The following TOGARAM2 variants were observed in gnomAD, a reference collection of about 807,000 sequenced individuals.
TOGARAM2 encodes TOG array regulator of axonemal microtubules protein 2.
TOGARAM2 carries 85 observed loss-of-function variants against 93.3 expected under a neutral mutation model. That is an observed-to-expected ratio of 0.91 (90% CI 0.76 to 1.09). The LOEUF is 1.09. Ranked by LOEUF, TOGARAM2 falls within the 50% of genes least tolerant of loss-of-function variation. TOGARAM2 has a pLI of 0.00. For missense variants in TOGARAM2, 1,277 were observed against 1,334.5 expected (o/e 0.96, Z 0.67); for synonymous variants, 593 against 552.8 (o/e 1.07, Z -1.02).
In TOGARAM2 at chr2:29,051,845, A is replaced by T. The variant is rs771163856; in HGVS notation, c.2812A>T (p.Arg938Trp). The T allele has an allele frequency of 6.4e-7, 1 of 1,567,716 alleles. No homozygotes were observed. Among genetic ancestry groups the T allele is most frequent in the Admixed American group, 1.9e-5 (1 of 53,140 alleles). Residue 938 changes from arginine to tryptophan, a missense_variant, in exon 20 of 20, where the codon AGG becomes TGG. By Grantham distance (101) the Arg-to-Trp change is moderately radical. Transcript: ENST00000379558. The stretch of plus-strand genomic sequence containing the variant: ...CTGGCACTTCCTGAACACCGCCACC[A>T]GGAATGGCACCCTGCCTGGACCCAG... ...ILWHFLNTAT[R>W]NGTLPGPSGN...
At chr2:29,002,149 A>C (rs997142688) in intron 4 of TOGARAM2, among the ~76,000 whole-genome samples, 1 of 152,126 alleles carries the variant, frequency 6.6e-6, no homozygotes, top group Admixed American at 6.5e-5. Flanking sequence ...CATCTTATAT[A>C]AGTGATGTTA....
At chr2:28,976,648 G>A (rs1014800132), upstream of TOGARAM2, among the ~76,000 whole-genome samples, 12 of 152,218 alleles carry the variant, frequency 7.9e-5, no homozygotes, top group Non-Finnish European at 1.3e-4. Flanking sequence ...ATAACCAGAA[G>A]GCGTTAGTCC....
chr2:28,991,177 A>C (rs1053962699), intron 1 of TOGARAM2, among the ~76,000 whole-genome samples: 8 of 152,048 alleles, frequency 5.3e-5, no homozygotes, highest in Admixed American at 5.2e-4. Flanking sequence ...CATTTTTTTC[A>C]GATGAAGAAA....
At chr2:29,004,082 G>A (rs1235776058) in intron 6 of TOGARAM2, among the ~76,000 whole-genome samples, 1 of 152,120 alleles carries the variant, frequency 6.6e-6, no homozygotes, top group African/African-American at 2.4e-5. Flanking sequence ...TGCAACCTCC[G>A]CCTCCCGGGT....
At chr2:29,023,356 T>C (rs980626082) in intron 12 of TOGARAM2, among the ~76,000 whole-genome samples, 165 bp downstream of exon 12, 1 of 152,198 alleles carries the variant, frequency 6.6e-6, no homozygotes, top group African/African-American at 2.4e-5. Flanking sequence ...TTTCTCAGAT[T>C]GGAAAACTGA....
chr2:28,960,795 G>A (rs1357753180), intron 1 of TOGARAM2, among the ~76,000 whole-genome samples: 1 of 152,218 alleles, frequency 6.6e-6, no homozygotes, highest in South Asian at 2.1e-4. Context: ...CAGGTGGCCA[G>A]TGAGCACCTA....
At chr2:29,010,310 T>G (rs888356692) in intron 6 of TOGARAM2, among the ~76,000 whole-genome samples, 9 of 151,970 alleles carry the variant, frequency 5.9e-5, no homozygotes, top group Non-Finnish European at 1.2e-4. Context: ...GTGGGCGAGC[T>G]CCCCAGGTCA....
At chr2:29,006,126 C>T (rs929624531) in intron 6 of TOGARAM2, among the ~76,000 whole-genome samples, 2 of 39,278 alleles carry the variant, frequency 5.1e-5, no homozygotes, top group Non-Finnish European at 1.3e-4. Context: ...TATGTGTGTG[C>T]ATGTGTGTGA....
chr2:29,005,310 G>GTGT lies in TOGARAM2; in HGVS notation c.830+1628_830+1629insTGT, dbSNP rs1553338862. ...TGTGTGTGTGCATGTGTGTGTGTGGGGTATGTGTGCATGTGTGTGTGAGAC... is the reference window on the plus strand; with the variant it reads ...TGTGTGTGTGCATGTGTGTGTGTGGGTGTGTATGTGTGCATGTGTGTGTGAGAC... On this transcript the variant is annotated intron_variant, in intron 6 of 19. Coordinates refer to ENST00000379558, the MANE Select transcript of TOGARAM2 (RefSeq NM_199280.4). Among the ~76,000 whole-genome samples the GTGT allele has an allele frequency of 2.2e-3, 303 of 138,502 alleles. 1 individual carries two copies. Among genetic ancestry groups the GTGT allele is most frequent in the Admixed American group, 3.9e-3 (53 of 13,558 alleles). The allele number at this position is 138,502 out of a possible 152,430, so 90.9% of individuals were successfully genotyped here. A position where few individuals can be genotyped will look rare whatever the true frequency, so the allele number is the denominator to read the frequency against.
At chr2:29,026,134 C>T (rs988185841) in intron 13 of TOGARAM2, among the ~76,000 whole-genome samples, 2 of 152,230 alleles carry the variant, frequency 1.3e-5, no homozygotes, top group African/African-American at 2.4e-5. Flanking sequence ...GGAGTCCTTA[C>T]TCCCTGCCTC....
intron 1 of TOGARAM2, among the ~76,000 whole-genome samples, chr2:28,970,596 C>T (rs563572742): frequency 4.3e-4 from 66 of 152,250 alleles, no homozygotes; most frequent in Middle Eastern, 6.8e-3. Flanking sequence ...GTGGGGAAAT[C>T]ACTATCCACC....
At position 28,968,727 on chromosome 2, in the gene TOGARAM2, G is replaced by A. The variant is rs530868350; in HGVS notation, c.-147+12030G>A. On this transcript the variant is annotated intron_variant, in intron 1 of 6. Coordinates refer to the TOGARAM2 transcript ENST00000401723. ...CCAGCTACTTAGGAGGCTGAGGTAG[G>A]AGGATCACTGAGCCCAGCAGGTGGA... 1.3e-4 allele frequency among the ~76,000 whole-genome samples: 19 copies of A among 149,344 alleles called. No individual in the cohort carries two copies. The South Asian group carries it at 4.0e-3, about 32-fold the overall frequency.
chr2:29,027,793 C>A (rs911111874), intron 14 of TOGARAM2, among the ~76,000 whole-genome samples: 1 of 151,908 alleles, frequency 6.6e-6, no homozygotes, highest in African/African-American at 2.4e-5. Context: ...AACGGCTACA[C>A]GGAGCCAGCT....
chr2:29,032,847 A>T, intron 14 of TOGARAM2, 87 bp from the exon 15 acceptor site: 1 of 1,078,906 alleles, frequency 9.3e-7, no homozygotes, highest in Non-Finnish European at 1.3e-6. Context: ...AACTCTCTTT[A>T]ATTAGGAAGA....
At chr2:28,979,550 G>C (rs1272161986), upstream of TOGARAM2, among the ~76,000 whole-genome samples, 1 of 152,194 alleles carries the variant, frequency 6.6e-6, no homozygotes, top group Non-Finnish European at 1.5e-5. Context: ...AACAAGCAGG[G>C]GGTTACCTGC....
intron 6 of TOGARAM2, among the ~76,000 whole-genome samples, chr2:29,005,738 CAT>C (rs1491524731): frequency 3.7e-4 from 18 of 49,180 alleles, no homozygotes; most frequent in African/African-American, 8.0e-4. Context: ...TGTGTGAGCA[CAT>C]ATATGTGTGT....
At chr2:28,958,270 A>C (rs1047334382) in intron 1 of TOGARAM2, among the ~76,000 whole-genome samples, 1 of 152,000 alleles carries the variant, frequency 6.6e-6, no homozygotes, top group Non-Finnish European at 1.5e-5. Context: ...GGTGTCTCCA[A>C]ATGATCCTTT....
In TOGARAM2 at chr2:29,000,202, C is replaced by T. The variant is rs140704881; in HGVS notation, c.427+734C>T. On this transcript the variant is annotated intron_variant, in intron 4 of 19. Coordinates refer to ENST00000379558, the MANE Select transcript of TOGARAM2 (RefSeq NM_199280.4). ...TCCAAGAGGGCAGTGACTGAGATCT[C>T]GGTGTGAGGCACAGTCGCTTGGCAG... is the stretch of plus-strand genomic sequence containing the variant. Among the ~76,000 whole-genome samples the T allele has an allele frequency of 8.4e-3, 1,284 of 152,210 alleles. 9 individuals are homozygous for T. The highest frequency in any genetic ancestry group is 0.048 in the Middle Eastern group (14 of 292).
intron 18 of TOGARAM2, 24 bp downstream of exon 18, chr2:29,036,781 G>A (rs1198154953): frequency 6.3e-7 from 1 of 1,599,796 alleles, no homozygotes; most frequent in African/African-American, 1.3e-5. Flanking sequence ...GTGGGCCTGT[G>A]TGGCTCTGGT....
Sources: allele counts gnomAD v4.1 joint callset (sites outside exome capture counted in the v4.1 genomes callset), GRCh38; gene constraint gnomAD v4.1.1; transcripts MANE v1.5; gene names NCBI Gene and HGNC (gene_info 2026-07-23, HGNC 2026-07-21).